Variants in DTD1 observed in about 807,000 individuals in gnomAD.
The protein encoded by DTD1 is D-aminoacyl-tRNA deacylase 1, also known as D-tyrosyl-tRNA deacylase 1 homolog.
Under a neutral mutation model 25.6 loss-of-function variants are expected in DTD1, and 13 were observed. The observed-to-expected ratio is 0.51, with a 90% CI of 0.33 to 0.81. The LOEUF (loss-of-function observed/expected upper bound fraction) is 0.81, where lower values mean the gene tolerates loss of function less well. DTD1 is among the 30% of genes least tolerant of loss of function. The pLI is 0.02. For synonymous variants in DTD1, 110 were observed against 103.6 expected, an observed-to-expected ratio of 1.06 and a Z score of -0.37; for missense variants, 193 against 266.4, an observed-to-expected ratio of 0.72 and a Z score of 1.92.
intron 4 of DTD1, among the ~76,000 whole-genome samples, chr20:18,658,761 A>G (rs1370004572): frequency 6.6e-6 from 1 of 152,234 alleles, no homozygotes; most frequent in Non-Finnish European, 1.5e-5. Flanking sequence ...AGTCTTTATT[A>G]ACACTCCCCA....
chr20:18,708,276 TAATATATATTATATATATATAA>T (rs1568676909), intron 4 of DTD1, among the ~76,000 whole-genome samples: 1 of 13,096 alleles, frequency 7.6e-5, no homozygotes, highest in Non-Finnish European at 1.9e-4. Flanking sequence ...TATATATATA[TAATATATATTATATATATATAA>T]TATATATATT....
chr20:18,751,220 A>T (rs1006432699), intron 5 of DTD1, among the ~76,000 whole-genome samples: 6 of 152,110 alleles, frequency 3.9e-5, no homozygotes, highest in Admixed American at 3.3e-4. Flanking sequence ...TCTCATGTCC[A>T]TGTGCTGGTA....
chr20:18,674,356 G>A (rs1183677870), intron 4 of DTD1: 2 of 152,294 alleles, frequency 1.3e-5, no homozygotes, highest in African/African-American at 2.4e-5. Context: ...CCATAGGGAG[G>A]CAGTTAACCC....
intron 4 of DTD1, among the ~76,000 whole-genome samples, chr20:18,652,917 T>G (rs942226642): frequency 6.6e-6 from 1 of 152,202 alleles, no homozygotes; most frequent in African/African-American, 2.4e-5. Context: ...CATGTCTGTT[T>G]AGGGACTAAA....
intron 3 of DTD1, among the ~76,000 whole-genome samples, chr20:18,623,185 C>T (rs561578704): frequency 6.6e-6 from 1 of 152,018 alleles, no homozygotes; most frequent in South Asian, 2.1e-4. Flanking sequence ...GTGATCCGCC[C>T]GCCTCAGCCT....
At chr20:18,712,363 T>A (rs1386367462) in intron 4 of DTD1, among the ~76,000 whole-genome samples, 1 of 146,458 alleles carries the variant, frequency 6.8e-6, no homozygotes, top group Non-Finnish European at 1.5e-5. Flanking sequence ...ACATATGATA[T>A]CATTTTCATA....
rs1216066676 is a variant in DTD1 at position 18,731,139 on chromosome 20, C to T, written c.478-12961C>T. On this transcript the variant is annotated intron_variant, in intron 4 of 5. Coordinates refer to ENST00000377452, the MANE Select transcript of DTD1 (RefSeq NM_080820.6). ...TCCTTCCCTTATGTACTGAGCCTTT[C>T]GTTAGCTGATGGGATGAAGGATTGT... 4.6e-5 allele frequency among the ~76,000 whole-genome samples: 7 copies of T among 152,140 alleles called. No homozygotes were observed. The East Asian group carries it at 7.7e-4, about 17-fold the overall frequency.
intron 5 of DTD1, among the ~76,000 whole-genome samples, chr20:18,757,913 G>C (rs2061345777): frequency 6.6e-6 from 1 of 152,072 alleles, no homozygotes; most frequent in South Asian, 2.1e-4. Context: ...GACTTTTTTT[G>C]GTTGGTAAGC....
rs574123200 is a variant in DTD1 at position 18,745,650 on chromosome 20, G to A, written c.*19+1379G>A. On this transcript the variant is annotated intron_variant, in intron 5 of 5. Coordinates refer to ENST00000377452, the MANE Select transcript of DTD1 (RefSeq NM_080820.6). ...GCAGTGCAAATGCCATCTGGAGGTTGGGGGGCAAGGACAGGAGAGTTTGGG... is the reference window on the plus strand; with the variant it reads ...GCAGTGCAAATGCCATCTGGAGGTTAGGGGGCAAGGACAGGAGAGTTTGGG... 8.5e-5 allele frequency among the ~76,000 whole-genome samples: 13 copies of A among 152,288 alleles called. No individual in the cohort carries two copies. In the South Asian group the frequency reaches 2.5e-3, roughly 29 times the overall value.
intron 4 of DTD1, among the ~76,000 whole-genome samples, chr20:18,660,032 G>A (rs565000446): frequency 6.6e-6 from 1 of 152,184 alleles, no homozygotes; most frequent in African/African-American, 2.4e-5. Context: ...CAGAAGAGGA[G>A]TTTGAGACCA....
At chr20:18,714,480 GACTCT>G (rs911245864) in intron 4 of DTD1, among the ~76,000 whole-genome samples, 1 of 152,136 alleles carries the variant, frequency 6.6e-6, no homozygotes, top group African/African-American at 2.4e-5. Context: ...ACTTTTCATT[GACTCT>G]ACTCTTCACA....
intron 3 of DTD1, among the ~76,000 whole-genome samples, chr20:18,622,941 A>ATTTTTTTTTTTTTTTTTTTTTT (rs2060741098): frequency 1.2e-5 from 1 of 80,856 alleles, no homozygotes. Flanking sequence ...AATTTTATAG[A>ATTTTTTTTTTTTTTTTTTTTTT]ATTTTTTTTT....
chr20:18,682,462 A>C (rs146323741), intron 4 of DTD1, among the ~76,000 whole-genome samples: 1 of 152,314 alleles, frequency 6.6e-6, no homozygotes, highest in Non-Finnish European at 1.5e-5. Flanking sequence ...CAGTATGCAA[A>C]ACCCAGTCCA....
At chr20:18,686,709 T>C (rs1289578376) in intron 4 of DTD1, among the ~76,000 whole-genome samples, 1 of 151,922 alleles carries the variant, frequency 6.6e-6, no homozygotes, top group Admixed American at 6.6e-5. Flanking sequence ...GTGAATTGCC[T>C]GTTCCTGTCC....
chr20:18,686,192 C>G (rs2061015970), intron 4 of DTD1, among the ~76,000 whole-genome samples: 1 of 152,188 alleles, frequency 6.6e-6, no homozygotes, highest in East Asian at 1.9e-4. Flanking sequence ...TAGTTTGTGT[C>G]CTCTTTTTAT....
chr20:18,669,755 C>T (rs923995871), intron 4 of DTD1, among the ~76,000 whole-genome samples: 7 of 152,112 alleles, frequency 4.6e-5, no homozygotes, highest in South Asian at 2.1e-4. Context: ...TTATTCCAAT[C>T]GCTCCCGGGG....
At chr20:18,597,860 A>T (rs1372107955) in intron 3 of DTD1, among the ~76,000 whole-genome samples, 2 of 152,098 alleles carry the variant, frequency 1.3e-5, no homozygotes, top group Non-Finnish European at 2.9e-5. Flanking sequence ...TCAGTTGTTT[A>T]CTAAGAATGT....
In DTD1 at chr20:18,736,585, G is replaced by A. The variant is rs564152564; in HGVS notation, c.478-7515G>A. Among the ~76,000 whole-genome samples the A allele has an allele frequency of 9.8e-4, 149 of 152,316 alleles. 2 individuals are homozygous for A. The highest frequency in any genetic ancestry group is 5.0e-4 in the Non-Finnish European group (34 of 68,034). On this transcript the variant is annotated intron_variant, in intron 4 of 5. Coordinates refer to ENST00000377452, the MANE Select transcript of DTD1 (RefSeq NM_080820.6). ...TCTGGTGCTTTGCACGACTCAGGGC[G>A]TGTGCACCTTGCAGCCACCCCCTCT...
intron 1 of DTD1, among the ~76,000 whole-genome samples, chr20:18,592,914 G>A (rs551251192): frequency 6.6e-5 from 10 of 151,754 alleles, no homozygotes; most frequent in African/African-American, 1.4e-4. Flanking sequence ...AACTCCTGAC[G>A]TCATATGACT....
Sources: gnomAD v4.1 joint callset for allele counts (sites outside exome capture counted in the v4.1 genomes callset) on GRCh38, gnomAD v4.1.1 for gene constraint, MANE v1.5 for transcripts, NCBI Gene and HGNC (gene_info 2026-07-23, HGNC 2026-07-21) for gene names.